The following COL17A1 variants were observed in gnomAD, a reference collection of about 807,000 sequenced individuals.
COL17A1 encodes collagen alpha-1(XVII) chain.
COL17A1 carries 181 observed loss-of-function variants against 218.4 expected under a neutral mutation model. The observed-to-expected ratio is 0.83, with a 90% confidence interval of 0.73 to 0.94. COL17A1 has a LOEUF of 0.94. Ranked by LOEUF, COL17A1 falls within the 40% of genes least tolerant of loss-of-function variation. The probability of loss-of-function intolerance (pLI) is 0.00; values close to 1 mark genes in which losing one functional copy is unlikely to be tolerated. For missense variants in COL17A1, 1,924 were observed against 1,945.9 expected, an observed-to-expected ratio of 0.99 and a Z score of 0.21; for synonymous variants, 721 against 731.0, an observed-to-expected ratio of 0.99 and a Z score of 0.22.
At chr10:104,058,768 C>T (rs1285471298) in intron 15 of COL17A1, among the ~76,000 whole-genome samples, 2 of 151,956 alleles carry the variant, frequency 1.3e-5, no homozygotes, top group African/African-American at 4.8e-5. Flanking sequence ...CCCGTCTGTA[C>T]TAAAAATACA....
intron 15 of COL17A1, among the ~76,000 whole-genome samples, chr10:104,058,635 T>C (rs937172855): frequency 6.6e-6 from 1 of 152,114 alleles, no homozygotes; most frequent in African/African-American, 2.4e-5. Context: ...TGATGCTATT[T>C]GAAAGTTGAG....
chr10:104,082,171 C>G (rs1018659063), intron 1 of COL17A1, among the ~76,000 whole-genome samples: 1 of 152,182 alleles, frequency 6.6e-6, no homozygotes, highest in Non-Finnish European at 1.5e-5. Context: ...TGGAAAAAAT[C>G]CTAGCTGGAT....
At chr10:104,083,033 C>T (rs2086778389) in intron 1 of COL17A1, among the ~76,000 whole-genome samples, 1 of 152,152 alleles carries the variant, frequency 6.6e-6, no homozygotes, top group African/African-American at 2.4e-5. Context: ...TCTGTGTGTT[C>T]CACAGCCAAT....
intron 9 of COL17A1, among the ~76,000 whole-genome samples, chr10:104,070,218 C>T (rs1341253019): frequency 2.6e-5 from 4 of 152,304 alleles, no homozygotes; most frequent in African/African-American, 9.6e-5. Flanking sequence ...TTTAGGAAAC[C>T]AAAGGCAGCT....
In COL17A1 at chr10:104,059,655, A is replaced by G. The variant is rs377651588; in HGVS notation, c.1205T>C (p.Leu402Pro). 148 of 1,614,194 alleles carry G rather than the reference A, an allele frequency of 9.2e-5. No individual in the cohort carries two copies. Among genetic ancestry groups the G allele is most frequent in the Admixed American group, 4.0e-4 (24 of 60,032 alleles). Residue 402 changes from leucine (L) to proline (P), a missense_variant, in exon 15 of 56, where the codon CTA becomes CCA. By Grantham distance (98) the Leu-to-Pro change is moderately conservative (BLOSUM62 -3). Transcript: ENST00000648076. ...GTTCTTACCATTAGCTTCGGCTTTT[A>G]GGCCTGAGTCAGCATTGTAGGCAGC... ...KQAAYNADSG[L>P]KAEANGDLKT...
intron 11 of COL17A1, among the ~76,000 whole-genome samples, chr10:104,062,551 G>T (rs942953052): frequency 6.6e-6 from 1 of 152,318 alleles, no homozygotes. Context: ...TTATTACGTA[G>T]TTAGGTCCAT....
At position 104,064,536 on chromosome 10, in the gene COL17A1, G is replaced by A; in HGVS notation, c.668C>T (p.Ser223Phe). 1 of 1,614,096 alleles carries A rather than the reference G, an allele frequency of 6.2e-7. No individual in the cohort carries two copies. The highest frequency in any genetic ancestry group is 8.5e-7 in the Non-Finnish European group (1 of 1,180,002). ...CATGGAGGACCCCGCGGGCAGGGTG[G>A]AGGACCACACATGGGAGGGAAGGTT... is the stretch of plus-strand genomic sequence containing the variant. ...DANLPSHVWS[S>F]TLPAGSSMGT... The change falls in exon 10 of 56, where the codon TCC (serine) becomes TTC (phenylalanine). Residue 223 changes from serine (S) to phenylalanine (F), a missense_variant. Ser to Phe is a radical substitution (Grantham distance 155). Transcript: ENST00000648076.
At chr10:104,056,921 T>C (rs899255481) in intron 17 of COL17A1, 54 bp downstream of exon 17, 3 of 1,549,446 alleles carry the variant, frequency 1.9e-6, no homozygotes, top group Non-Finnish European at 8.7e-7. Flanking sequence ...TGACAGGCAG[T>C]GGGGCTGGCC....
chr10:104,064,407 T>G, intron 10 of COL17A1, 31 bp downstream of exon 10: 1 of 1,612,778 alleles, frequency 6.2e-7, no homozygotes, highest in Non-Finnish European at 8.5e-7. Flanking sequence ...AGTTCAGGGG[T>G]GAGAGAGGGT....
At chr10:104,050,591 G>A (rs751014168) in intron 27 of COL17A1, 30 bp downstream of exon 27, 14 of 1,612,664 alleles carry the variant, frequency 8.7e-6, no homozygotes, top group Non-Finnish European at 1.1e-5. Context: ...GCAGGCCCTG[G>A]TAATGACAGA....
At chr10:104,042,528 C>A in intron 35 of COL17A1, 73 bp from the exon 36 acceptor site, 1 of 1,477,996 alleles carries the variant, frequency 6.8e-7, no homozygotes, top group Admixed American at 1.7e-5. Context: ...AGGCATAATT[C>A]CTCCCAAGGC....
At chr10:104,058,314 A>G in intron 15 of COL17A1, 124 bp from the exon 16 acceptor site, 1 of 1,183,970 alleles carries the variant, frequency 8.4e-7, no homozygotes, top group Admixed American at 2.0e-5. Context: ...ACGTGCAGGA[A>G]CATCCAGCAT....
At chr10:104,037,850 C>A (rs1411617444) in intron 45 of COL17A1, 77 bp from the exon 46 acceptor site, 1 of 1,550,486 alleles carries the variant, frequency 6.4e-7, no homozygotes, top group Non-Finnish European at 8.7e-7. Context: ...ACCTGAAGCA[C>A]ATGATAACAT....
chr10:104,043,688 G>T, intron 34 of COL17A1, 107 bp from the exon 35 acceptor site: 1 of 1,502,596 alleles, frequency 6.7e-7, no homozygotes, highest in Non-Finnish European at 9.2e-7. Flanking sequence ...TCTTCTCATC[G>T]CTGCTAAATT....
rs1438898223 is a variant in COL17A1 at position 104,070,534 on chromosome 10, C to G, written c.499G>C (p.Gly167Arg). 2 of 1,614,048 alleles carry G rather than the reference C, an allele frequency of 1.2e-6. No individual in the cohort carries two copies. Among genetic ancestry groups the G allele is most frequent in the Non-Finnish European group, 1.7e-6 (2 of 1,180,042 alleles). ...GGGCTCACACTTGCCGATCGACTCCCCTTGAGCAAACGCTTAACATCATCC... is the reference window on the plus strand; with the variant it reads ...GGGCTCACACTTGCCGATCGACTCCGCTTGAGCAAACGCTTAACATCATCC... ...ELDDVKRLLKGSRSASVSPTR... is the reference protein window; with the variant it reads ...ELDDVKRLLKRSRSASVSPTR... Residue 167 changes from glycine to arginine, a missense_variant, in exon 9 of 56, where the codon GGG becomes CGG. Transcript: ENST00000648076.
rs76270353 is a variant in COL17A1 at position 104,047,938 on chromosome 10, A to T, written c.2264-128T>A. On this transcript the variant is annotated intron_variant, in intron 30 of 55. Coordinates refer to ENST00000648076, the MANE Select transcript of COL17A1 (RefSeq NM_000494.4). ...CTGGCAGGTGGAAAGGAGAAGGGGAACAGAACTGGACACTGCACACTTCCA... is the reference window on the plus strand; with the variant it reads ...CTGGCAGGTGGAAAGGAGAAGGGGATCAGAACTGGACACTGCACACTTCCA... The T allele has an allele frequency of 1.5e-4, 209 of 1,368,072 alleles. 1 individual carries two copies. In the East Asian group the frequency reaches 4.6e-3, roughly 30 times the overall value. 84.7% of individuals were successfully genotyped at this position (1,368,072 alleles called of 1,614,324 possible). A position where few individuals can be genotyped will look rare whatever the true frequency, so the allele number is the denominator to read the frequency against.
chr10:104,043,862 T>C lies in COL17A1; in HGVS notation c.2399-2A>G. The C allele has an allele frequency of 6.2e-7, 1 of 1,614,126 alleles. No homozygotes were observed. Among genetic ancestry groups the C allele is most frequent in the East Asian group, 2.2e-5 (1 of 44,884 alleles). On this transcript the variant is annotated splice_acceptor_variant, in intron 33 of 55. Transcript: ENST00000648076. LOFTEE classifies it high-confidence loss of function. ...TCTTGCCTGGAGCTCCTGGTTCACC[T>C]AGGAAGAGAGGAAAAGGCTGAGAGT...
At chr10:104,071,816 A>C (rs1308981339) in intron 8 of COL17A1, among the ~76,000 whole-genome samples, 2 of 152,120 alleles carry the variant, frequency 1.3e-5, no homozygotes, top group Admixed American at 1.3e-4. Context: ...GAACTACTAC[A>C]CAGCAGGAAC....
Position 104,051,527 on chromosome 10 carries a change from G to A in COL17A1, c.2003-11C>T. Reference sequence around the variant, plus strand: ...GAGAGCCGCTGGAACCTGAGAAGGAGGACAAGACAGCAATCAGCAGAGGGG... The same window carrying A: ...GAGAGCCGCTGGAACCTGAGAAGGAAGACAAGACAGCAATCAGCAGAGGGG... On this transcript the variant is annotated splice_polypyrimidine_tract_variant and intron_variant, in intron 24 of 55. Coordinates refer to ENST00000648076, the MANE Select transcript of COL17A1 (RefSeq NM_000494.4). The A allele has an allele frequency of 6.2e-7, 1 of 1,614,000 alleles. No homozygotes were observed. Among genetic ancestry groups the A allele is most frequent in the Non-Finnish European group, 8.5e-7 (1 of 1,180,014 alleles).
Sources: gnomAD v4.1 joint callset for allele counts (sites outside exome capture counted in the v4.1 genomes callset) on GRCh38, gnomAD v4.1.1 for gene constraint, MANE v1.5 for transcripts, NCBI Gene and HGNC (gene_info 2026-07-23, HGNC 2026-07-21) for gene names.